Variants in MFSD6 observed in about 807,000 individuals in gnomAD.
MFSD6 encodes the protein major facilitator superfamily domain containing 6.
Under a neutral mutation model 56.3 loss-of-function variants are expected in MFSD6, and 26 were observed. That is an observed-to-expected ratio of 0.46 (90% CI 0.34 to 0.64). The LOEUF (loss-of-function observed/expected upper bound fraction) is 0.64, where lower values mean the gene tolerates loss of function less well. Among genes scored for constraint, MFSD6 ranks in the 30% least tolerant of loss-of-function variants. The pLI, the probability that MFSD6 is intolerant of heterozygous loss-of-function variation, is 0.01. For synonymous variants in MFSD6, 331 were observed against 366.9 expected (o/e 0.90, Z 1.12); for missense variants, 750 against 986.2 (o/e 0.76, Z 3.21).
At position 190,431,790 on chromosome 2, in the gene MFSD6, T is replaced by G. The variant is rs140685160; in HGVS notation, c.-53-4187T>G. On this transcript the variant is annotated intron_variant, in intron 2 of 7. Coordinates refer to ENST00000392328, the MANE Select transcript of MFSD6 (RefSeq NM_017694.4). This position sits in a 1 kb window ranked among gnomAD's most constrained non-coding sequence, Gnocchi z 4.4. ...TCTTTATTTTCCTAAGAAATTGCCT[T>G]AAATTTTTCTTTCATATCATCTCAA... is the stretch of plus-strand genomic sequence containing the variant. Among the ~76,000 whole-genome samples, 7 of 152,334 alleles carry G rather than the reference T, an allele frequency of 4.6e-5. No individual in the cohort carries two copies. Among genetic ancestry groups the G allele is most frequent in the African/African-American group, 9.6e-5 (4 of 41,576 alleles).
chr2:190,428,925 G>A (rs948987248), intron 2 of MFSD6, among the ~76,000 whole-genome samples: 6 of 152,016 alleles, frequency 3.9e-5, no homozygotes, highest in East Asian at 3.9e-4. Flanking sequence ...CACCTCCCTC[G>A]GCCTCTCAAA....
At position 190,494,577 on chromosome 2, in the gene MFSD6, G is replaced by A. The variant is rs1689555771; in HGVS notation, c.1892-2862G>A. The stretch of plus-strand genomic sequence containing the variant: ...AAAACTACAGACCAATATCCCTGAT[G>A]AACATCAATGCAAAAATCCTTAACA... On this transcript the variant is annotated intron_variant, in intron 6 of 7. Coordinates refer to ENST00000392328, the MANE Select transcript of MFSD6 (RefSeq NM_017694.4). The surrounding 1 kb of genome is among the most constrained non-coding windows in gnomAD (Gnocchi z 5.7). Among the ~76,000 whole-genome samples, 1 of 152,132 alleles carries A rather than the reference G, an allele frequency of 6.6e-6. No individual in the cohort carries two copies. Among genetic ancestry groups the A allele is most frequent in the Non-Finnish European group, 1.5e-5 (1 of 68,010 alleles).
Position 190,437,545 on chromosome 2 carries a change from T to G in MFSD6, c.1516T>G (p.Leu506Val). 6.2e-7 allele frequency: 1 copy of G among 1,613,472 alleles called. No individual in the cohort carries two copies. Among genetic ancestry groups the G allele is most frequent in the Non-Finnish European group, 8.5e-7 (1 of 1,179,466 alleles). Residue 506 changes from leucine to valine, a missense_variant, in exon 3 of 8, where the codon TTG (leucine) becomes GTG (valine). Transcript: ENST00000392328. This position sits in a 1 kb window ranked among gnomAD's most constrained non-coding sequence, Gnocchi z 5.9. Reference protein sequence around the residue: ...AYFFSHKLIELIGHIRVLYIG... With the variant: ...AYFFSHKLIEVIGHIRVLYIG... ...TTTTTTTAGTCACAAGCTTATTGAA[T>G]TGATCGGCCACATCAGGTAAGAACA...
chr2:190,500,393 G>A lies in MFSD6; in HGVS notation c.*175G>A. On this transcript the variant is annotated 3_prime_UTR_variant, in exon 8 of 8. Coordinates refer to ENST00000392328, the MANE Select transcript of MFSD6 (RefSeq NM_017694.4). This position sits in a 1 kb window ranked among gnomAD's most constrained non-coding sequence, Gnocchi z 5.3. Reference sequence around the variant, plus strand: ...CACACAGGAGCTACAGTACATATTGGCAGGAAAAGGTAAACTTTCGTAATC... The same window carrying A: ...CACACAGGAGCTACAGTACATATTGACAGGAAAAGGTAAACTTTCGTAATC... The A allele has an allele frequency of 5.9e-6, 4 of 680,834 alleles. No homozygotes were observed. Among genetic ancestry groups the A allele is most frequent in the Non-Finnish European group, 7.3e-6 (3 of 413,212 alleles). 42.2% of individuals were successfully genotyped at this position (680,834 alleles called of 1,614,324 possible).
At position 190,417,415 on chromosome 2, in the gene MFSD6, T is replaced by A. The variant is rs1690823250; in HGVS notation, c.-54+2002T>A. On this transcript the variant is annotated intron_variant, in intron 2 of 7. Coordinates refer to ENST00000392328, the MANE Select transcript of MFSD6 (RefSeq NM_017694.4). This position sits in a 1 kb window ranked among gnomAD's most constrained non-coding sequence, Gnocchi z 5.7. ...CTCTGTGTACATCACCTGTGCTTGCTCCTGTTTGAACATTTAGCATAAGGT... is the reference window on the plus strand; with the variant it reads ...CTCTGTGTACATCACCTGTGCTTGCACCTGTTTGAACATTTAGCATAAGGT... 6.6e-6 allele frequency among the ~76,000 whole-genome samples: 1 copy of A among 152,160 alleles called. No homozygotes were observed. The highest frequency in any genetic ancestry group is 6.5e-5 in the Admixed American group (1 of 15,286).
chr2:190,476,993 G>A (rs1406930729), intron 4 of MFSD6, among the ~76,000 whole-genome samples: 3 of 138,480 alleles, frequency 2.2e-5, no homozygotes, highest in Non-Finnish European at 4.5e-5. Flanking sequence ...TCATAGGTGG[G>A]AATTGAACAA....
rs541365055 is a variant in MFSD6 at position 190,496,949 on chromosome 2, T to C, written c.1892-490T>C. Among the ~76,000 whole-genome samples the C allele has an allele frequency of 8.2e-4, 125 of 152,244 alleles. 1 individual carries two copies. Among genetic ancestry groups the C allele is most frequent in the African/African-American group, 2.8e-3 (118 of 41,536 alleles). On this transcript the variant is annotated intron_variant, in intron 6 of 7. Coordinates refer to ENST00000392328, the MANE Select transcript of MFSD6 (RefSeq NM_017694.4). The surrounding 1 kb of genome is among the most constrained non-coding windows in gnomAD (Gnocchi z 4.7). ...GGGGTGAGGGATACAAGACTACAAA[T>C]TGGGTTCATTGTATACTGCTTGGGT...
intron 3 of MFSD6, among the ~76,000 whole-genome samples, chr2:190,445,457 C>A (rs200290861): frequency 4.3e-4 from 62 of 143,732 alleles, no homozygotes; most frequent in Admixed American, 1.3e-3. Flanking sequence ...GCCCCAATCA[C>A]AAAAAAAAAA....
In MFSD6 at chr2:190,496,551, T is replaced by C. The variant is rs964331655; in HGVS notation, c.1892-888T>C. Reference sequence around the variant, plus strand: ...TACATGCATGTTTATAGCATCACAATTGCAAAAATGTGGAACCAGCCCAAA... The same window carrying C: ...TACATGCATGTTTATAGCATCACAACTGCAAAAATGTGGAACCAGCCCAAA... On this transcript the variant is annotated intron_variant, in intron 6 of 7. Coordinates refer to ENST00000392328, the MANE Select transcript of MFSD6 (RefSeq NM_017694.4). The surrounding 1 kb of genome is among the most constrained non-coding windows in gnomAD (Gnocchi z 4.7). 1.1e-4 allele frequency among the ~76,000 whole-genome samples: 17 copies of C among 152,168 alleles called. No individual in the cohort carries two copies. Among genetic ancestry groups the C allele is most frequent in the African/African-American group, 3.9e-4 (16 of 41,432 alleles).
In MFSD6 at chr2:190,497,745, A is replaced by G. The variant is rs1186934405; in HGVS notation, c.2172+26A>G. 9.4e-6 allele frequency: 15 copies of G among 1,594,138 alleles called. No individual in the cohort carries two copies. Among genetic ancestry groups the G allele is most frequent in the Admixed American group, 1.7e-5 (1 of 58,962 alleles). On this transcript the variant is annotated intron_variant, in intron 7 of 7. Coordinates refer to ENST00000392328, the MANE Select transcript of MFSD6 (RefSeq NM_017694.4). This position sits in a 1 kb window ranked among gnomAD's most constrained non-coding sequence, Gnocchi z 5.2. The stretch of plus-strand genomic sequence containing the variant: ...GTACAGTTCCTTTGCTGGGCTAGCA[A>G]TATTACCTGTCACTCAAGATACCTT...
chr2:190,420,416 A>C (rs1371826843), intron 2 of MFSD6, among the ~76,000 whole-genome samples: 1 of 151,946 alleles, frequency 6.6e-6, no homozygotes, highest in Non-Finnish European at 1.5e-5. Flanking sequence ...CTATCTCATG[A>C]CCTCTTCTCA....
chr2:190,493,729 C>A (rs1293736894), intron 6 of MFSD6, among the ~76,000 whole-genome samples: 4 of 152,074 alleles, frequency 2.6e-5, no homozygotes, highest in Non-Finnish European at 5.9e-5. Context: ...ACCTTCAAAA[C>A]CATGCAAATA....
chr2:190,440,779 A>T (rs948384289), intron 3 of MFSD6, among the ~76,000 whole-genome samples: 1 of 152,210 alleles, frequency 6.6e-6, no homozygotes, highest in Non-Finnish European at 1.5e-5. Flanking sequence ...TACATTACCT[A>T]TTATTAGCCA....
At position 190,482,868 on chromosome 2, in the gene MFSD6, C is replaced by T. The variant is rs867031874; in HGVS notation, c.1631-5789C>T. Among the ~76,000 whole-genome samples the T allele has an allele frequency of 4.4e-3, 211 of 48,232 alleles. 1 individual carries two copies. Among genetic ancestry groups the T allele is most frequent in the South Asian group, 0.027 (38 of 1,432 alleles). 31.6% of individuals were successfully genotyped at this position (48,232 alleles called of 152,430 possible). A position where few individuals can be genotyped will look rare whatever the true frequency, so the allele number is the denominator to read the frequency against. On this transcript the variant is annotated intron_variant, in intron 4 of 7. Transcript: ENST00000392328. ...GGAGAAGAGTTATTAAGACTATCAT[C>T]TTTTTTTTTTTTTTTTTTTTTTTTT...
At position 190,451,855 on chromosome 2, in the gene MFSD6, G is replaced by A. The variant is rs1055903232; in HGVS notation, c.1532+14294G>A. Among the ~76,000 whole-genome samples, 1 of 152,230 alleles carries A rather than the reference G, an allele frequency of 6.6e-6. No homozygotes were observed. The highest frequency in any genetic ancestry group is 2.4e-5 in the African/African-American group (1 of 41,454). The stretch of plus-strand genomic sequence containing the variant: ...GAGAAGCTGAGTTTTAGCAGGAGGT[G>A]ATATAACTGATTTCTGCTTTTATGT... On this transcript the variant is annotated intron_variant, in intron 3 of 7. Coordinates refer to ENST00000392328, the MANE Select transcript of MFSD6 (RefSeq NM_017694.4). This position sits in a 1 kb window ranked among gnomAD's most constrained non-coding sequence, Gnocchi z 5.0.
rs578133400 is a variant in MFSD6 at position 190,494,909 on chromosome 2, A to G, written c.1892-2530A>G. On this transcript the variant is annotated intron_variant, in intron 6 of 7. Transcript: ENST00000392328. This position sits in a 1 kb window ranked among gnomAD's most constrained non-coding sequence, Gnocchi z 5.7. ...GCCAACATAATACTGAACAGGGAGA[A>G]GTTGGAAGCATTCCCTCTGAAAATT... 2.0e-5 allele frequency among the ~76,000 whole-genome samples: 3 copies of G among 152,182 alleles called. No individual in the cohort carries two copies. The highest frequency in any genetic ancestry group is 7.2e-5 in the African/African-American group (3 of 41,452).
At chr2:190,486,807 A>G (rs1689036081) in intron 4 of MFSD6, among the ~76,000 whole-genome samples, 1 of 152,202 alleles carries the variant, frequency 6.6e-6, no homozygotes, top group Non-Finnish European at 1.5e-5. Flanking sequence ...CAGGGGATGG[A>G]ACCAGATGAT....
chr2:190,437,676 G>A lies in MFSD6; in HGVS notation c.1532+115G>A. ...TATAATTTGTGTTGAGGATAGGGTT[G>A]GAGTGGAAATGGGGATTTCTGTTTC... is the stretch of plus-strand genomic sequence containing the variant. On this transcript the variant is annotated intron_variant, in intron 3 of 7. Transcript: ENST00000392328. This position sits in a 1 kb window ranked among gnomAD's most constrained non-coding sequence, Gnocchi z 5.9. The A allele has an allele frequency of 7.9e-7, 1 of 1,259,626 alleles. No homozygotes were observed. The highest frequency in any genetic ancestry group is 2.4e-5 in the East Asian group (1 of 40,860). 78.0% of individuals were successfully genotyped at this position (1,259,626 alleles called of 1,614,324 possible).
rs1281183630 is a variant in MFSD6 at position 190,415,876 on chromosome 2, A to T, written c.-54+463A>T. ...AAAGGTCTGAGAAAGAAGCACCCAT[A>T]CATTTCTGTTTAAACTGCCTTGTCT... On this transcript the variant is annotated intron_variant, in intron 2 of 7. Coordinates refer to ENST00000392328, the MANE Select transcript of MFSD6 (RefSeq NM_017694.4). This position sits in a 1 kb window ranked among gnomAD's most constrained non-coding sequence, Gnocchi z 4.5. Among the ~76,000 whole-genome samples, 1 of 152,202 alleles carries T rather than the reference A, an allele frequency of 6.6e-6. No individual in the cohort carries two copies. The highest frequency in any genetic ancestry group is 2.4e-5 in the African/African-American group (1 of 41,442).
Sources: gnomAD v4.1 joint callset for allele counts (sites outside exome capture counted in the v4.1 genomes callset) on GRCh38, gnomAD v4.1.1 for gene constraint, Gnocchi (gnomAD v3.1) non-coding constraint, MANE v1.5 for transcripts, NCBI Gene and HGNC (gene_info 2026-07-23, HGNC 2026-07-21) for gene names.